GRXCR2: variants seen among roughly 807,000 people sequenced by gnomAD.
GRXCR2 encodes the protein glutaredoxin domain-containing cysteine-rich protein 2.
Under a neutral mutation model 24.8 loss-of-function variants are expected in GRXCR2, and 23 were observed. The observed-to-expected ratio is 0.93, with a 90% CI of 0.67 to 1.32. The LOEUF (loss-of-function observed/expected upper bound fraction) is 1.32. GRXCR2 is among the 40% of genes most tolerant of loss of function. The probability of loss-of-function intolerance (pLI) is 0.00; values close to 1 mark genes in which losing one functional copy is unlikely to be tolerated. For missense variants in GRXCR2, 315 were observed against 303.4 expected (o/e 1.04, Z -0.28); for synonymous variants, 130 against 116.1 (o/e 1.12, Z -0.77).
chr5:145,911,526 T>A (rs920359444), intron 2 of GRXCR2, among the ~76,000 whole-genome samples: 1 of 152,144 alleles, frequency 6.6e-6, no homozygotes, highest in Admixed American at 6.5e-5. Flanking sequence ...CAAGAAAATA[T>A]CTAGGAGATG....
chr5:145,872,949 T>A lies in GRXCR2; in HGVS notation c.20A>T (p.Lys7Met). Residue 7 changes from lysine to methionine, a missense_variant, in exon 1 of 3, where the codon AAG becomes ATG. Lys to Met is a moderately conservative substitution (Grantham distance 95). Transcript: ENST00000377976. ...TTTGCCATCACTCTTCTGATTCAGC[T>A]TTTTCTCAGGGTCCTCCATCAGCAG... MEDPEK[K>M]LNQKSDGKPR... 1 of 1,614,002 alleles carries A rather than the reference T, an allele frequency of 6.2e-7. No homozygotes were observed. Among genetic ancestry groups the A allele is most frequent in the Non-Finnish European group, 8.5e-7 (1 of 1,179,850 alleles).
chr5:145,877,517 A>C (rs1756636205), upstream of GRXCR2, among the ~76,000 whole-genome samples: 1 of 152,248 alleles, frequency 6.6e-6, no homozygotes, highest in Non-Finnish European at 1.5e-5. Context: ...GATACAAATT[A>C]AGTAGGAAAA....
chr5:145,902,803 C>A (rs1264850556), intron 2 of GRXCR2, among the ~76,000 whole-genome samples: 1 of 152,198 alleles, frequency 6.6e-6, no homozygotes, highest in Non-Finnish European at 1.5e-5. Context: ...CATTATCTCC[C>A]TTTTACCCTC....
At position 145,927,246 on chromosome 5, in the gene GRXCR2, C is replaced by T. The variant is rs146117066; in HGVS notation, c.-70+8455G>A. ...TCCTTCTCCTGCCTAATTGCCCTGG[C>T]GAGAACTTTCAACACTATGTTGAAT... On this transcript the variant is annotated intron_variant, in intron 2 of 3. Coordinates refer to the GRXCR2 transcript ENST00000639411. 6.0e-3 allele frequency among the ~76,000 whole-genome samples: 909 copies of T among 152,212 alleles called. 8 individuals are homozygous for T. The highest frequency in any genetic ancestry group is 0.021 in the African/African-American group (865 of 41,542).
chr5:145,859,900 C>T lies in GRXCR2; in HGVS notation c.580G>A (p.Glu194Lys), dbSNP rs367826984. 1.1e-4 allele frequency: 178 copies of T among 1,580,056 alleles called. No individual in the cohort carries two copies. Among genetic ancestry groups the T allele is most frequent in the Admixed American group, 1.8e-4 (10 of 55,028 alleles). ...NRYTQEGDIP[E>K]DSCFHCRGSG... Reference sequence around the variant, plus strand: ...CCTCGGCAGTGAAAACAGCTGTCCTCGGGAATATCCCCTTCCTGCAAGAGA... The same window carrying T: ...CCTCGGCAGTGAAAACAGCTGTCCTTGGGAATATCCCCTTCCTGCAAGAGA... The change falls in exon 3 of 3, where the codon GAG (glutamate) becomes AAG (lysine). Residue 194 changes from glutamate (E) to lysine (K), a missense_variant. Glu to Lys is a moderately conservative substitution (Grantham distance 56, BLOSUM62 1). Coordinates refer to ENST00000377976, the MANE Select transcript of GRXCR2 (RefSeq NM_001080516.2).
At chr5:145,894,693 C>T (rs1756922779) in intron 2 of GRXCR2, among the ~76,000 whole-genome samples, 1 of 152,184 alleles carries the variant, frequency 6.6e-6, no homozygotes, top group Admixed American at 6.5e-5. Flanking sequence ...CAGCCGAATT[C>T]TACCAGAAAT....
In GRXCR2 at chr5:145,884,854, G is replaced by T. The variant is rs142681634; in HGVS notation, c.-69-18126C>A. Among the ~76,000 whole-genome samples, 611 of 152,178 alleles carry T rather than the reference G, an allele frequency of 4.0e-3. 2 individuals are homozygous for T. Among genetic ancestry groups the T allele is most frequent in the African/African-American group, 0.014 (575 of 41,526 alleles). On this transcript the variant is annotated intron_variant, in intron 2 of 3. Transcript: ENST00000639411. ...TGTATCCTGAATCTTTTTAGGAGTAGAATTTATATCCTATCTGTCTGATGT... is the reference window on the plus strand; with the variant it reads ...TGTATCCTGAATCTTTTTAGGAGTATAATTTATATCCTATCTGTCTGATGT...
At chr5:145,929,579 A>G (rs891692309) in intron 2 of GRXCR2, among the ~76,000 whole-genome samples, 1 of 152,168 alleles carries the variant, frequency 6.6e-6, no homozygotes, top group African/African-American at 2.4e-5. Context: ...ACAATTAACT[A>G]GAATACAGTT....
chr5:145,926,191 T>C (rs1206671749), intron 2 of GRXCR2, among the ~76,000 whole-genome samples: 1 of 152,148 alleles, frequency 6.6e-6, no homozygotes, highest in Non-Finnish European at 1.5e-5. Context: ...ACAGTATCTG[T>C]CATGGATTAA....
upstream of GRXCR2, among the ~76,000 whole-genome samples, chr5:145,873,372 A>G (rs747226275): frequency 2.0e-5 from 3 of 152,226 alleles, no homozygotes; most frequent in Non-Finnish European, 2.9e-5. Flanking sequence ...AAATCTAGTG[A>G]GCATTTCATA....
At chr5:145,900,678 T>C (rs1036461001) in intron 2 of GRXCR2, among the ~76,000 whole-genome samples, 4 of 152,228 alleles carry the variant, frequency 2.6e-5, no homozygotes, top group East Asian at 3.8e-4. Context: ...GGAATGCTTA[T>C]ACACTGTTGG....
intron 2 of GRXCR2, among the ~76,000 whole-genome samples, chr5:145,884,483 T>C (rs934026500): frequency 5.9e-5 from 9 of 152,174 alleles, no homozygotes; most frequent in African/African-American, 2.2e-4. Flanking sequence ...TGTAATTATA[T>C]GGGAGACTGT....
intron 2 of GRXCR2, among the ~76,000 whole-genome samples, chr5:145,898,517 A>G (rs1285310291): frequency 6.6e-6 from 1 of 152,132 alleles, no homozygotes; most frequent in Non-Finnish European, 1.5e-5. Context: ...TGATGAATAT[A>G]CATACAAAAA....
chr5:145,889,327 T>C (rs997629336), intron 2 of GRXCR2, among the ~76,000 whole-genome samples: 3 of 152,070 alleles, frequency 2.0e-5, no homozygotes, highest in Non-Finnish European at 4.4e-5. Context: ...TAGGGTACAA[T>C]GTATACTGCT....
intron 1 of GRXCR2, among the ~76,000 whole-genome samples, chr5:145,870,784 A>C (rs1166925476): frequency 6.6e-6 from 1 of 152,174 alleles, no homozygotes; most frequent in Non-Finnish European, 1.5e-5. Flanking sequence ...GAATCTGGCT[A>C]TGATTGGGAT....
At chr5:145,915,481 G>A (rs1757223772) in intron 2 of GRXCR2, among the ~76,000 whole-genome samples, 1 of 151,968 alleles carries the variant, frequency 6.6e-6, no homozygotes, top group Non-Finnish European at 1.5e-5. Flanking sequence ...ACTGAATCCT[G>A]CTGGTTACAA....
At chr5:145,870,410 G>A (rs1299024716) in intron 1 of GRXCR2, among the ~76,000 whole-genome samples, 1 of 152,048 alleles carries the variant, frequency 6.6e-6, no homozygotes, top group African/African-American at 2.4e-5. Flanking sequence ...GTGTCAAAAT[G>A]GCCTTCCTTT....
chr5:145,892,578 G>A (rs932355403), intron 2 of GRXCR2, among the ~76,000 whole-genome samples: 4 of 152,128 alleles, frequency 2.6e-5, no homozygotes, highest in Non-Finnish European at 5.9e-5. Context: ...GAGAAGTTTA[G>A]AGAAAAAAGA....
At chr5:145,866,770 C>G (rs1288722317) in intron 1 of GRXCR2, 42 bp from the exon 2 acceptor site, 1 of 1,287,722 alleles carries the variant, frequency 7.8e-7, no homozygotes, top group Admixed American at 1.7e-5. Flanking sequence ...TACCACCAAT[C>G]ACCAAGTAGA....
Sources: allele counts gnomAD v4.1 joint callset (sites outside exome capture counted in the v4.1 genomes callset), GRCh38; gene constraint gnomAD v4.1.1; transcripts MANE v1.5; gene names NCBI Gene and HGNC (gene_info 2026-07-23, HGNC 2026-07-21).